The following STARD13 variants were observed in gnomAD, a reference collection of about 807,000 sequenced individuals.
STARD13 encodes the protein stAR-related lipid transfer protein 13.
STARD13 carries 62 observed loss-of-function variants against 106.4 expected under a neutral mutation model. The observed-to-expected ratio is 0.58, with a 90% CI of 0.48 to 0.72. The LOEUF (loss-of-function observed/expected upper bound fraction) is 0.72, where lower values mean the gene tolerates loss of function less well. Among genes scored for constraint, STARD13 ranks in the 30% least tolerant of loss-of-function variants. The pLI, the probability that STARD13 is intolerant of heterozygous loss-of-function variation, is 0.00. For missense variants in STARD13, 1,387 were observed against 1,424.0 expected, an observed-to-expected ratio of 0.97 and a Z score of 0.42; for synonymous variants, 565 against 553.0, an observed-to-expected ratio of 1.02 and a Z score of -0.31.
the STARD13 span, among the ~76,000 whole-genome samples, chr13:33,621,483 C>G: frequency 6.6e-6 from 1 of 151,968 alleles, no homozygotes; most frequent in East Asian, 1.9e-4. Context: ...CAAGACCATC[C>G]TGGCTAACAT....
chr13:33,557,992 A>G, the STARD13 span, among the ~76,000 whole-genome samples: 4 of 152,240 alleles, frequency 2.6e-5, no homozygotes, highest in Non-Finnish European at 4.4e-5. Flanking sequence ...GTAAGCTGCC[A>G]TATCATTTAA....
the STARD13 span, among the ~76,000 whole-genome samples, chr13:33,389,757 A>G: frequency 3.9e-5 from 6 of 152,192 alleles, no homozygotes; most frequent in Non-Finnish European, 8.8e-5. Flanking sequence ...TGCCAATTGC[A>G]ATTAAAATGA....
At chr13:33,461,594 A>G in the STARD13 span, among the ~76,000 whole-genome samples, 7 of 152,212 alleles carry the variant, frequency 4.6e-5, no homozygotes, top group African/African-American at 1.7e-4. Context: ...TAGGAATCCT[A>G]AGTATTATTT....
At chr13:33,528,418 G>A in the STARD13 span, among the ~76,000 whole-genome samples, 1 of 150,578 alleles carries the variant, frequency 6.6e-6, no homozygotes, top group Non-Finnish European at 1.5e-5. Flanking sequence ...CGTAGGGTGT[G>A]CCACCATGGC....
rs1887428581 is a variant in STARD13, at chr13:33,206,504, T to C, written c.170-38882A>G. 2.6e-5 allele frequency among the ~76,000 whole-genome samples: 4 copies of C among 152,178 alleles called. No individual in the cohort carries two copies. The South Asian group carries it at 6.2e-4, about 24-fold the overall frequency. On this transcript the variant is annotated intron_variant, in intron 1 of 13. Transcript: ENST00000336934. ...TATAACAAAATCAGTGCACATTTAA[T>C]TGTGTATCCTTAAAAAACTCAGGTC...
downstream of STARD13, among the ~76,000 whole-genome samples, chr13:33,347,376 C>T (rs1381910923): frequency 2.6e-5 from 4 of 152,142 alleles, no homozygotes; most frequent in Non-Finnish European, 5.9e-5. Context: ...GCTTGGATTA[C>T]ACATGTGTGC....
the STARD13 span, among the ~76,000 whole-genome samples, chr13:33,421,042 G>A: frequency 2.9e-4 from 44 of 152,092 alleles, no homozygotes; most frequent in Admixed American, 1.3e-3. Context: ...AATTAAAAGA[G>A]CTAGAGAAGC....
the STARD13 span, among the ~76,000 whole-genome samples, chr13:33,438,000 A>G: frequency 6.6e-6 from 1 of 152,226 alleles, no homozygotes; most frequent in Non-Finnish European, 1.5e-5. Flanking sequence ...ATCTAGGACT[A>G]TTAAACCACT....
chr13:33,181,042 T>G (rs1885179749), intron 1 of STARD13, among the ~76,000 whole-genome samples: 1 of 152,146 alleles, frequency 6.6e-6, no homozygotes, highest in Non-Finnish European at 1.5e-5. Flanking sequence ...ATGCAAACAT[T>G]GTTGTGTGTT....
chr13:33,192,463 C>T (rs1319543128), intron 1 of STARD13, among the ~76,000 whole-genome samples: 1 of 152,216 alleles, frequency 6.6e-6, no homozygotes, highest in East Asian at 1.9e-4. Flanking sequence ...AATTGTTTTT[C>T]TAATTCTCAT....
At chr13:33,219,759 C>T (rs543906057) in intron 1 of STARD13, among the ~76,000 whole-genome samples, 4 of 144,980 alleles carry the variant, frequency 2.8e-5, no homozygotes, top group East Asian at 4.1e-4. Context: ...GCTATGATCA[C>T]GCCACTGTAC....
intron 1 of STARD13, among the ~76,000 whole-genome samples, chr13:33,224,508 C>G (rs753150862): frequency 6.6e-6 from 1 of 152,200 alleles, no homozygotes; most frequent in Non-Finnish European, 1.5e-5. Flanking sequence ...GTGATGGAGA[C>G]TTCATCTCAA....
the STARD13 span, among the ~76,000 whole-genome samples, chr13:33,443,281 G>T: frequency 6.6e-6 from 1 of 151,914 alleles, no homozygotes; most frequent in Non-Finnish European, 1.5e-5. Context: ...GGAGGCTGAG[G>T]CAGGAGAATG....
intron 1 of STARD13, chr13:33,188,304 AG>A (rs954560012): frequency 6.6e-6 from 1 of 152,248 alleles, no homozygotes; most frequent in African/African-American, 2.4e-5. Flanking sequence ...TAAACACTTT[AG>A]GGACAGGAAC....
At chr13:33,478,587 T>A in the STARD13 span, among the ~76,000 whole-genome samples, 1 of 152,130 alleles carries the variant, frequency 6.6e-6, no homozygotes, top group Non-Finnish European at 1.5e-5. Context: ...ATTTCATCCA[T>A]CTTGATTTCT....
At chr13:33,494,686 A>G in the STARD13 span, among the ~76,000 whole-genome samples, 1 of 152,038 alleles carries the variant, frequency 6.6e-6, no homozygotes, top group African/African-American at 2.4e-5. Context: ...AACTGGATGG[A>G]GGCTTCAGGA....
intron 1 of STARD13, among the ~76,000 whole-genome samples, chr13:33,293,032 A>G (rs889156042): frequency 1.3e-5 from 2 of 152,262 alleles, no homozygotes; most frequent in Admixed American, 1.3e-4. Flanking sequence ...CCTCAGCTGC[A>G]GTGTTGCATG....
chr13:33,511,148 C>T, the STARD13 span, among the ~76,000 whole-genome samples: 1 of 151,994 alleles, frequency 6.6e-6, no homozygotes, highest in African/African-American at 2.4e-5. Context: ...TCCTTCTCTA[C>T]TCAAAATACA....
chr13:33,331,351 C>CTTGTT (rs55981152), intron 1 of STARD13, among the ~76,000 whole-genome samples: 99,728 of 150,650 alleles, frequency 0.66, 34,829 homozygotes, highest in East Asian at 0.97. Flanking sequence ...TTCTTGTTTT[C>CTTGTT]TTGTTTTGTT....
Sources: allele counts gnomAD v4.1 joint callset (sites outside exome capture counted in the v4.1 genomes callset), GRCh38; gene constraint gnomAD v4.1.1; transcripts MANE v1.5; gene names NCBI Gene and HGNC (gene_info 2026-07-23, HGNC 2026-07-21).